DDX3X: variants seen among roughly 807,000 people sequenced by gnomAD.
The protein encoded by DDX3X is DEAD-box helicase 3 X-linked.
DDX3X carries 4 observed loss-of-function variants against 52.7 expected under a neutral mutation model. The ratio of observed to expected loss-of-function variants is 0.08; its 90% CI spans 0.04 to 0.17. The LOEUF (loss-of-function observed/expected upper bound fraction) is 0.17, where lower values mean the gene tolerates loss of function less well. DDX3X is among the 10% of genes least tolerant of loss of function. DDX3X has a pLI of 1.00. For missense variants in DDX3X, 222 were observed against 548.6 expected (o/e 0.40, Z 5.95); for synonymous variants, 192 against 178.1 (o/e 1.08, Z -0.62).
In DDX3X at chrX:41,346,383, A is replaced by G. The variant is rs771266338; in HGVS notation, c.1470A>G (p.Gly490=). Reference sequence around the variant, plus strand: ...AGGCCCTTCACCAGTTCCGCTCAGGAAAAAGCCCAATTTTAGTGGCTACAG... The same window carrying G: ...AGGCCCTTCACCAGTTCCGCTCAGGGAAAAGCCCAATTTTAGTGGCTACAG... ...REEALHQFRS[G]KSPILVATAV... Residue 490 remains glycine (G), a synonymous_variant, in exon 13 of 17, where the codon GGA becomes GGG. Transcript: ENST00000644876. The G allele has an allele frequency of 5.8e-6, 7 of 1,209,126 alleles. No individual in the cohort carries two copies. The highest frequency in any genetic ancestry group is 7.8e-6 in the Non-Finnish European group (7 of 894,982).
In DDX3X at chrX:41,347,054, C is replaced by T. The variant is rs755448457; in HGVS notation, c.1769+42C>T. The T allele has an allele frequency of 5.3e-6, 6 of 1,139,417 alleles. No homozygotes were observed. In the East Asian group the frequency reaches 1.5e-4, roughly 28 times the overall value. The allele number at this position is 1,139,417 out of a possible 1,213,427, so 93.9% of individuals were successfully genotyped here. On this transcript the variant is annotated intron_variant, in intron 15 of 16. Coordinates refer to ENST00000644876, the MANE Select transcript of DDX3X (RefSeq NM_001356.5). The stretch of plus-strand genomic sequence containing the variant: ...ATATAATGAGGGGAATGGGTGTTCA[C>T]TTACAGTTCATAGTGTTTCCTCTGC...
intron 3 of DDX3X, chrX:41,340,534 A>T (rs2063835739): frequency 8.9e-6 from 2 of 224,367 alleles, no homozygotes; most frequent in Non-Finnish European, 1.6e-5. Context: ...CTTTGGGTTA[A>T]TTTACATGTT....
chrX:41,334,783 C>G lies in DDX3X; in HGVS notation c.45+486C>G, dbSNP rs747110758. ...TGCGAGCAAGGGGTAGAACGCGGCC[C>G]AGGAATGTGGGAGGGGGCGGCCTTC... On this transcript the variant is annotated intron_variant, in intron 1 of 16. Coordinates refer to ENST00000644876, the MANE Select transcript of DDX3X (RefSeq NM_001356.5). 4.3e-6 allele frequency: 4 copies of G among 939,024 alleles called. 1 individual carries two copies. The South Asian group carries it at 6.5e-5, about 15-fold the overall frequency. 77.4% of individuals were successfully genotyped at this position (939,024 alleles called of 1,213,427 possible).
downstream of DDX3X, chrX:41,351,600 A>G (rs753438363): frequency 1.3e-4 from 15 of 111,583 alleles, no homozygotes; most frequent in Non-Finnish European, 2.3e-4. Context: ...TGAAAGTTAT[A>G]AGACTATCTT....
intron 2 of DDX3X, 69 bp downstream of exon 2, chrX:41,337,534 G>A (rs1225288459): frequency 5.2e-6 from 5 of 967,575 alleles, no homozygotes; most frequent in African/African-American, 3.9e-5. Context: ...TTGGGCTTAT[G>A]TAAAATTTAA....
intron 5 of DDX3X, chrX:41,358,010 C>A: frequency 1.2e-5 from 2 of 165,286 alleles, no homozygotes; most frequent in South Asian, 6.2e-4. Flanking sequence ...TGTAAGCATT[C>A]TTAGTCTGTA....
chrX:41,342,987 G>A, intron 6 of DDX3X, 151 bp downstream of exon 6: 1 of 572,374 alleles, frequency 1.7e-6, no homozygotes, highest in East Asian at 3.6e-5. Flanking sequence ...TCACCATTAT[G>A]AATAATTTAT....
intron 6 of DDX3X, 66 bp downstream of exon 6, chrX:41,342,902 G>GT: frequency 1.1e-6 from 1 of 932,673 alleles, no homozygotes; most frequent in African/African-American, 1.9e-5. Flanking sequence ...ACATTAGAAT[G>GT]TGAGATGGGC....
At position 41,334,401 on chromosome X, in the gene DDX3X, C is replaced by G. The variant is rs2063724321; in HGVS notation, c.45+104C>G. The stretch of plus-strand genomic sequence containing the variant: ...AACCGGCACCCTTACTTTTCATTTT[C>G]TGGGTGCCCCGGGCTGGCGGGTGTG... On this transcript the variant is annotated intron_variant, in intron 1 of 16. Transcript: ENST00000644876. 38 of 1,136,348 alleles carry G rather than the reference C, an allele frequency of 3.3e-5. 1 individual carries two copies. The South Asian group carries it at 7.1e-4, about 21-fold the overall frequency. The allele number at this position is 1,136,348 out of a possible 1,213,427, so 93.6% of individuals were successfully genotyped here.
At chrX:41,337,947 A>G (rs11542970) in intron 2 of DDX3X, 21,264 of 111,384 alleles carry the variant, frequency 0.19, 2,035 homozygotes, top group African/African-American at 0.36. Context: ...TTAACTGACT[A>G]TATTTATTAA....
rs759919289 is a variant in DDX3X at position 41,341,628 on chromosome X, C to G, written c.284+12C>G. 2.5e-6 allele frequency: 3 copies of G among 1,201,052 alleles called. No homozygotes were observed. The highest frequency in any genetic ancestry group is 2.3e-6 in the Non-Finnish European group (2 of 886,578). On this transcript the variant is annotated intron_variant, in intron 4 of 16. Transcript: ENST00000644876. ...GGATCAAGGGGAAGGTAAGTGATTTCTTAATCACCTTACGTGTATGTATAA... is the reference window on the plus strand; with the variant it reads ...GGATCAAGGGGAAGGTAAGTGATTTGTTAATCACCTTACGTGTATGTATAA...
At chrX:41,360,095 C>T (rs975179670) in intron 5 of DDX3X, among the ~76,000 whole-genome samples, 15 of 108,779 alleles carry the variant, frequency 1.4e-4, no homozygotes, top group Non-Finnish European at 1.9e-4. Context: ...TTTCAATTTC[C>T]GGCTGGGCAT....
At chrX:41,334,916 G>C (rs758808287) in intron 1 of DDX3X, 107 of 312,420 alleles carry the variant, frequency 3.4e-4, no homozygotes, top group African/African-American at 3.0e-3. Flanking sequence ...AAGGAGGATG[G>C]AATGGGTTTC....
At chrX:41,357,140 G>C (rs2064012684) in intron 5 of DDX3X, among the ~76,000 whole-genome samples, 1 of 109,198 alleles carries the variant, frequency 9.2e-6, no homozygotes. Flanking sequence ...CACCATGTTG[G>C]CCAGGCTGGT....
At chrX:41,351,558 A>G (rs1052587698), downstream of DDX3X, 5 of 111,852 alleles carry the variant, frequency 4.5e-5, no homozygotes, top group African/African-American at 1.6e-4. Context: ...CCCACAATGC[A>G]GAGATACCTA....
At chrX:41,361,267 C>T (rs59278613) in intron 5 of DDX3X, among the ~76,000 whole-genome samples, 5 of 109,948 alleles carry the variant, frequency 4.5e-5, no homozygotes, top group Non-Finnish European at 9.5e-5. Flanking sequence ...AATCCCAGCA[C>T]TTTGAGAGGC....
At chrX:41,342,200 A>G (rs751124448) in intron 4 of DDX3X, 10 of 232,767 alleles carry the variant, frequency 4.3e-5, no homozygotes, top group Non-Finnish European at 7.6e-5. Context: ...ACTTTAAATG[A>G]AGGTTGTGAG....
chrX:41,341,821 T>G, intron 4 of DDX3X: 1 of 365,289 alleles, frequency 2.7e-6, no homozygotes. Context: ...AAATGAGTTA[T>G]TCTATTTCTC....
In DDX3X at chrX:41,348,836, A is replaced by G. The variant is rs1238454753; in HGVS notation, c.*1117A>G. On this transcript the variant is annotated 3_prime_UTR_variant, in exon 17 of 17. Coordinates refer to ENST00000644876, the MANE Select transcript of DDX3X (RefSeq NM_001356.5). ...AAACTGGCTTACTATAGACTTCGTA[A>G]AAATGGCTCCAGAAGAGTAACAAAC... The G allele has an allele frequency of 1.8e-5, 2 of 112,709 alleles. No homozygotes were observed. The highest frequency in any genetic ancestry group is 6.5e-5 in the African/African-American group (2 of 30,956). The allele number at this position is 112,709 out of a possible 1,213,427, so 9.3% of individuals were successfully genotyped here.
Sources: allele counts gnomAD v4.1 joint callset (sites outside exome capture counted in the v4.1 genomes callset), GRCh38; gene constraint gnomAD v4.1.1; transcripts MANE v1.5; gene names NCBI Gene and HGNC (gene_info 2026-07-23, HGNC 2026-07-21).